Variants in GPR141 observed in about 807,000 individuals in gnomAD.
The protein encoded by GPR141 is G protein-coupled receptor 141, also known as probable G protein-coupled receptor 141.
In GPR141, 6 loss-of-function variants were observed where a neutral mutation model predicts 6.8. That is an observed-to-expected ratio of 0.88 (90% CI 0.48 to 1.74). GPR141 has a LOEUF of 1.74. Among genes scored for constraint, GPR141 ranks in the 40% most tolerant of loss-of-function variants. GPR141 has a pLI of 0.01. For missense variants in GPR141, 372 were observed against 372.9 expected, an observed-to-expected ratio of 1.00 and a Z score of 0.02; for synonymous variants, 140 against 142.3, an observed-to-expected ratio of 0.98 and a Z score of 0.11.
intron 2 of GPR141, among the ~76,000 whole-genome samples, chr7:37,695,901 C>T (rs1445398940): frequency 6.6e-6 from 1 of 152,168 alleles, no homozygotes; most frequent in Non-Finnish European, 1.5e-5. Context: ...ATTCTACTTT[C>T]AGTCTCTATA....
At chr7:37,701,786 C>T (rs1440053202) in intron 2 of GPR141, among the ~76,000 whole-genome samples, 2 of 152,154 alleles carry the variant, frequency 1.3e-5, no homozygotes, top group Non-Finnish European at 2.9e-5. Flanking sequence ...TAATTCATAT[C>T]GTAGAGTTGT....
At chr7:37,716,056 G>T (rs953074183) in intron 2 of GPR141, among the ~76,000 whole-genome samples, 1 of 152,198 alleles carries the variant, frequency 6.6e-6, no homozygotes, top group African/African-American at 2.4e-5. Context: ...CAACTTTTCA[G>T]AATGACGTGG....
chr7:37,715,940 C>G (rs959602599), intron 2 of GPR141, among the ~76,000 whole-genome samples: 3 of 152,152 alleles, frequency 2.0e-5, no homozygotes, highest in African/African-American at 7.2e-5. Flanking sequence ...GCCTTATGTG[C>G]AGCCCAAACT....
intron 1 of GPR141, among the ~76,000 whole-genome samples, chr7:37,684,109 A>G (rs2131714880): frequency 6.6e-6 from 1 of 152,324 alleles, no homozygotes; most frequent in Middle Eastern, 3.4e-3. Flanking sequence ...TGAAAGTAAA[A>G]CCTAATATTT....
intron 2 of GPR141, among the ~76,000 whole-genome samples, chr7:37,706,576 G>T (rs67408815): frequency 0.077 from 11,684 of 152,098 alleles, 644 homozygotes; most frequent in South Asian, 0.21. Flanking sequence ...AAGCGTTAAA[G>T]AATTCACAAA....
intron 2 of GPR141, among the ~76,000 whole-genome samples, chr7:37,709,222 G>T (rs1187383477): frequency 1.3e-5 from 2 of 152,162 alleles, no homozygotes; most frequent in Non-Finnish European, 2.9e-5. Context: ...AAGCAGCAAT[G>T]CTTAAATATT....
At chr7:37,731,814 C>T (rs968082979) in intron 2 of GPR141, among the ~76,000 whole-genome samples, 1 of 152,178 alleles carries the variant, frequency 6.6e-6, no homozygotes, top group East Asian at 1.9e-4. Flanking sequence ...TCTGTCCTTT[C>T]TTACTAAATG....
At chr7:37,698,759 T>C (rs755454142) in intron 2 of GPR141, among the ~76,000 whole-genome samples, 4 of 152,220 alleles carry the variant, frequency 2.6e-5, no homozygotes, top group Non-Finnish European at 5.9e-5. Context: ...CTTAGAGTGA[T>C]CTTACTTGAG....
At position 37,740,710 on chromosome 7, in the gene GPR141, A is replaced by T. The variant is rs776331619; in HGVS notation, c.317A>T (p.Tyr106Phe). ...HIHMYLTFLFYVVILVTRYLI... is the reference protein window; with the variant it reads ...HIHMYLTFLFFVVILVTRYLI... ...CACATGTACCTCACGTTCCTATTCTATGTGGTGATCCTGGTCACCAGATAC... is the reference window on the plus strand; with the variant it reads ...CACATGTACCTCACGTTCCTATTCTTTGTGGTGATCCTGGTCACCAGATAC... Residue 106 changes from tyrosine (Y) to phenylalanine (F), a missense_variant, in exon 3 of 3, where the codon TAT (tyrosine) becomes TTT (phenylalanine). Tyr to Phe is a conservative substitution (Grantham distance 22, BLOSUM62 3). Transcript: ENST00000334425. 9.9e-6 allele frequency: 16 copies of T among 1,613,916 alleles called. No individual in the cohort carries two copies. In the East Asian group the frequency reaches 3.6e-4, roughly 36 times the overall value.
At chr7:37,715,439 T>G (rs940797489) in intron 2 of GPR141, among the ~76,000 whole-genome samples, 2 of 151,604 alleles carry the variant, frequency 1.3e-5, no homozygotes, top group Non-Finnish European at 2.9e-5. Context: ...TTAAATAGTG[T>G]TTTTTTTCCT....
At chr7:37,700,334 T>C (rs1810223493) in intron 2 of GPR141, among the ~76,000 whole-genome samples, 1 of 152,244 alleles carries the variant, frequency 6.6e-6, no homozygotes, top group South Asian at 2.1e-4. Flanking sequence ...TTGAAGGTCA[T>C]TGCATATTGA....
intron 2 of GPR141, among the ~76,000 whole-genome samples, chr7:37,694,292 G>A (rs1212173218): frequency 1.3e-5 from 2 of 152,148 alleles, no homozygotes; most frequent in Non-Finnish European, 2.9e-5. Flanking sequence ...CAGCTCTGCC[G>A]GGGCACTGTT....
chr7:37,714,151 C>T (rs1024642520), intron 2 of GPR141, among the ~76,000 whole-genome samples: 1 of 151,412 alleles, frequency 6.6e-6, no homozygotes, highest in Admixed American at 6.6e-5. Context: ...TCTTTTTATT[C>T]TCTTGAGAGC....
intron 2 of GPR141, among the ~76,000 whole-genome samples, chr7:37,706,832 T>C (rs1343125718): frequency 1.3e-5 from 2 of 152,194 alleles, no homozygotes; most frequent in African/African-American, 4.8e-5. Context: ...TTTCTTTTCA[T>C]ATAAATCGTA....
In GPR141 at chr7:37,743,511, C is replaced by T. The variant is rs981799089; in HGVS notation, c.*2200C>T. Among the ~76,000 whole-genome samples, 4 of 150,770 alleles carry T rather than the reference C, an allele frequency of 2.7e-5. No individual in the cohort carries two copies. The highest frequency in any genetic ancestry group is 4.4e-5 in the Non-Finnish European group (3 of 67,664). On this transcript the variant is annotated 3_prime_UTR_variant, in exon 3 of 3. Transcript: ENST00000334425. ...AATTTGTAAGACCGTTACTAAGACC[C>T]CTGATAGTTTTAAGAAAATTTATAA... is the stretch of plus-strand genomic sequence containing the variant.
chr7:37,687,884 T>C (rs1381776248), intron 2 of GPR141, among the ~76,000 whole-genome samples: 4 of 152,114 alleles, frequency 2.6e-5, no homozygotes, highest in African/African-American at 9.7e-5. Context: ...CTTAAATCTG[T>C]GACAAAGCTA....
rs560889314 is a variant in GPR141, at chr7:37,727,591, T to C, written c.-14-12789T>C. ...GGTATCCATCTAATGTGTCATTAGCTCTCCTAAAATATCCAGTGACTGTTC... is the reference window on the plus strand; with the variant it reads ...GGTATCCATCTAATGTGTCATTAGCCCTCCTAAAATATCCAGTGACTGTTC... On this transcript the variant is annotated intron_variant, in intron 2 of 2. Coordinates refer to ENST00000334425, the MANE Select transcript of GPR141 (RefSeq NM_001381946.1). Among the ~76,000 whole-genome samples the C allele has an allele frequency of 2.0e-5, 3 of 152,344 alleles. No individual in the cohort carries two copies. In the East Asian group the frequency reaches 5.8e-4, roughly 29 times the overall value.
chr7:37,694,245 G>A (rs1809915950), intron 2 of GPR141, among the ~76,000 whole-genome samples: 1 of 152,226 alleles, frequency 6.6e-6, no homozygotes, highest in Non-Finnish European at 1.5e-5. Flanking sequence ...TGGTCCTGTG[G>A]GACAGGTGCA....
At chr7:37,714,151 C>G (rs1024642520) in intron 2 of GPR141, among the ~76,000 whole-genome samples, 8 of 151,412 alleles carry the variant, frequency 5.3e-5, no homozygotes, top group Non-Finnish European at 1.2e-4. Flanking sequence ...TCTTTTTATT[C>G]TCTTGAGAGC....
Sources: allele counts gnomAD v4.1 joint callset (sites outside exome capture counted in the v4.1 genomes callset), GRCh38; gene constraint gnomAD v4.1.1; transcripts MANE v1.5; gene names NCBI Gene and HGNC (gene_info 2026-07-23, HGNC 2026-07-21).